ERBB4: variants seen among roughly 807,000 people sequenced by gnomAD.
ERBB4 encodes the protein receptor tyrosine-protein kinase erbB-4.
In ERBB4, 42 loss-of-function variants were observed where a neutral mutation model predicts 158.0. The observed-to-expected ratio is 0.27, with a 90% CI of 0.21 to 0.34. ERBB4 has a LOEUF of 0.34. ERBB4 is among the 10% of genes least tolerant of loss of function. The probability of loss-of-function intolerance (pLI) is 1.00; values close to 1 mark genes in which losing one functional copy is unlikely to be tolerated. For synonymous variants in ERBB4, 583 were observed against 558.7 expected (o/e 1.04, Z -0.61); for missense variants, 1,333 against 1,624.1 (o/e 0.82, Z 3.08).
At chr2:211,867,504 G>C (rs1257778513) in intron 3 of ERBB4, among the ~76,000 whole-genome samples, 2 of 152,136 alleles carry the variant, frequency 1.3e-5, no homozygotes, top group Non-Finnish European at 2.9e-5. Context: ...AACTTCAGTG[G>C]CATGAATATC....
At chr2:211,517,658 G>A (rs558168908) in intron 20 of ERBB4, among the ~76,000 whole-genome samples, 38 of 152,182 alleles carry the variant, frequency 2.5e-4, no homozygotes, top group African/African-American at 8.7e-4. Context: ...TCCTGGCTAG[G>A]AGAAGATGAA....
At chr2:211,453,902 A>C (rs2064314703) in intron 20 of ERBB4, among the ~76,000 whole-genome samples, 1 of 152,184 alleles carries the variant, frequency 6.6e-6, no homozygotes, top group African/African-American at 2.4e-5. Flanking sequence ...TAAGCTACTA[A>C]AATTTAATAG....
At position 212,525,741 on chromosome 2, in the gene ERBB4, T is replaced by C. The variant is rs564625399; in HGVS notation, c.82+12708A>G. Among the ~76,000 whole-genome samples the C allele has an allele frequency of 9.9e-5, 15 of 152,146 alleles. No individual in the cohort carries two copies. In the East Asian group the frequency reaches 2.9e-3, roughly 29 times the overall value. ...ATACTTTTCCACAAAAATAAGGTTTTGAGTTTTGTTTGTTTTGTTTTAAGC... is the reference window on the plus strand; with the variant it reads ...ATACTTTTCCACAAAAATAAGGTTTCGAGTTTTGTTTGTTTTGTTTTAAGC... On this transcript the variant is annotated intron_variant, in intron 1 of 27. Coordinates refer to ENST00000342788, the MANE Select transcript of ERBB4 (RefSeq NM_005235.3).
intron 5 of ERBB4, among the ~76,000 whole-genome samples, chr2:211,745,071 T>G (rs1383907607): frequency 6.6e-6 from 1 of 152,188 alleles, no homozygotes; most frequent in African/African-American, 2.4e-5. Context: ...TCTGATTTTT[T>G]AAAAGTTAAG....
chr2:211,388,510 CT>C (rs1279172855), intron 25 of ERBB4, among the ~76,000 whole-genome samples: 4 of 151,868 alleles, frequency 2.6e-5, no homozygotes, highest in African/African-American at 9.7e-5. Flanking sequence ...AAAAGGTAAA[CT>C]CCTTAGTCTC....
intron 7 of ERBB4, among the ~76,000 whole-genome samples, chr2:211,714,142 G>A (rs894758981): frequency 6.6e-5 from 10 of 152,072 alleles, no homozygotes; most frequent in South Asian, 2.1e-4. Flanking sequence ...ATTTTTATAC[G>A]AAGAAACGAA....
intron 13 of ERBB4, 104 bp from the exon 14 acceptor site, chr2:211,673,361 G>T: frequency 1.2e-6 from 1 of 826,738 alleles, no homozygotes; most frequent in Non-Finnish European, 2.1e-6. Context: ...AAATTCTAAA[G>T]TTTGTTTCTC....
intron 19 of ERBB4, among the ~76,000 whole-genome samples, chr2:211,602,971 G>A (rs1015363950): frequency 1.3e-5 from 2 of 152,132 alleles, no homozygotes; most frequent in Non-Finnish European, 2.9e-5. Flanking sequence ...GCTCACGCCT[G>A]TAATTCCAGC....
At position 211,536,513 on chromosome 2, in the gene ERBB4, C is replaced by T. The variant is rs146652612; in HGVS notation, c.2487+25390G>A. Among the ~76,000 whole-genome samples the T allele has an allele frequency of 5.3e-3, 811 of 151,986 alleles. 9 individuals are homozygous for T. Among genetic ancestry groups the T allele is most frequent in the African/African-American group, 0.019 (768 of 41,498 alleles). ...CTTGGAAAAGTCCCACTCTCCAGGCCCTGGAGTCCAGAGATGCCTGAGCGA... is the reference window on the plus strand; with the variant it reads ...CTTGGAAAAGTCCCACTCTCCAGGCTCTGGAGTCCAGAGATGCCTGAGCGA... On this transcript the variant is annotated intron_variant, in intron 20 of 27. Transcript: ENST00000342788.
chr2:212,352,116 T>C (rs1247571383), intron 1 of ERBB4, among the ~76,000 whole-genome samples: 5 of 151,748 alleles, frequency 3.3e-5, no homozygotes, highest in African/African-American at 4.8e-5. Context: ...AACTAAACAA[T>C]GAGAACATAT....
intron 2 of ERBB4, among the ~76,000 whole-genome samples, chr2:211,977,434 G>C (rs1575463091): frequency 6.9e-6 from 1 of 144,614 alleles, no homozygotes; most frequent in Non-Finnish European, 1.5e-5. Flanking sequence ...TGTTTGTTTT[G>C]ACAACTTTCC....
At chr2:211,820,640 T>A (rs1167988749) in intron 3 of ERBB4, among the ~76,000 whole-genome samples, 1 of 151,662 alleles carries the variant, frequency 6.6e-6, no homozygotes, top group Non-Finnish European at 1.5e-5. Context: ...ACAAGAAAAC[T>A]TCAGGCCAAT....
At chr2:212,022,148 T>C (rs1304972316) in intron 2 of ERBB4, among the ~76,000 whole-genome samples, 1 of 152,096 alleles carries the variant, frequency 6.6e-6, no homozygotes, top group Non-Finnish European at 1.5e-5. Flanking sequence ...GAAATACCAT[T>C]TGACTCAGCA....
chr2:211,377,796 C>T lies in ERBB4; in HGVS notation c.*5819G>A, dbSNP rs151291658. 437 of 232,592 alleles carry T rather than the reference C, an allele frequency of 1.9e-3. 4 individuals are homozygous for T. The East Asian group carries it at 0.025, about 13-fold the overall frequency. The allele number at this position is 232,592 out of a possible 1,614,324, so 14.4% of individuals were successfully genotyped here. ...CGAAGTTCTACCAAGTGTATGTGGA[C>T]ATATGTGAGTTTCAAGATTCATCAC... On this transcript the variant is annotated 3_prime_UTR_variant, in exon 28 of 28. Coordinates refer to ENST00000342788, the MANE Select transcript of ERBB4 (RefSeq NM_005235.3).
At chr2:211,507,160 A>C (rs1009577469) in intron 20 of ERBB4, among the ~76,000 whole-genome samples, 1 of 152,136 alleles carries the variant, frequency 6.6e-6, no homozygotes, top group Non-Finnish European at 1.5e-5. Flanking sequence ...TTGAACCAGG[A>C]AGGAAAAGAA....
chr2:211,833,137 C>T (rs2077261679), intron 3 of ERBB4, among the ~76,000 whole-genome samples: 1 of 152,084 alleles, frequency 6.6e-6, no homozygotes, highest in African/African-American at 2.4e-5. Context: ...AGAATCCTTT[C>T]CCCATCCCCT....
At chr2:211,920,469 GT>G (rs536900567) in intron 3 of ERBB4, among the ~76,000 whole-genome samples, 395 of 151,964 alleles carry the variant, frequency 2.6e-3, no homozygotes, top group Non-Finnish European at 3.5e-3. Context: ...ACTCTGAGCT[GT>G]TTATTACTCC....
chr2:211,782,502 G>A (rs552400734), intron 4 of ERBB4, among the ~76,000 whole-genome samples: 16 of 152,008 alleles, frequency 1.1e-4, no homozygotes, highest in Non-Finnish European at 2.1e-4. Flanking sequence ...GAGTGACTGA[G>A]GGCATAGATG....
At chr2:212,119,392 C>T (rs969036163) in intron 2 of ERBB4, among the ~76,000 whole-genome samples, 1 of 151,996 alleles carries the variant, frequency 6.6e-6, no homozygotes. Flanking sequence ...TTTAGAAGCA[C>T]TGAGTTATTA....
Sources: gnomAD v4.1 joint callset for allele counts (sites outside exome capture counted in the v4.1 genomes callset) on GRCh38, gnomAD v4.1.1 for gene constraint, MANE v1.5 for transcripts, NCBI Gene and HGNC (gene_info 2026-07-23, HGNC 2026-07-21) for gene names.